Variants in ADGB observed in about 807,000 individuals in gnomAD.
The protein encoded by ADGB is calpain-7-like protein.
In ADGB, 172 loss-of-function variants were observed where a neutral mutation model predicts 210.5. The ratio of observed to expected loss-of-function variants is 0.82; its 90% confidence interval spans 0.72 to 0.93. ADGB has a LOEUF of 0.93. Ranked by LOEUF, ADGB falls within the 40% of genes least tolerant of loss-of-function variation. The pLI, the probability that ADGB is intolerant of heterozygous loss-of-function variation, is 0.00. For synonymous variants in ADGB, 658 were observed against 662.7 expected (o/e 0.99, Z 0.11); for missense variants, 2,025 against 1,964.8 (o/e 1.03, Z -0.58).
intron 32 of ADGB, among the ~76,000 whole-genome samples, chr6:146,786,167 ATATATATATATTTAAGTATATAT>A (rs199961162): frequency 1.3e-4 from 5 of 39,080 alleles, no homozygotes; most frequent in African/African-American, 8.5e-4. Context: ...TTAAGTTAGT[ATATATATATATTTAAGTATATAT>A]TATATTATAT....
At chr6:146,795,150 A>G (rs942049531) in intron 33 of ADGB, among the ~76,000 whole-genome samples, 5 of 152,244 alleles carry the variant, frequency 3.3e-5, no homozygotes, top group African/African-American at 1.2e-4. Context: ...TGCTAAGTAA[A>G]CAAACAACTA....
chr6:146,672,761 G>A (rs760105720), intron 8 of ADGB, among the ~76,000 whole-genome samples: 31 of 146,106 alleles, frequency 2.1e-4, no homozygotes, highest in East Asian at 4.0e-4. Context: ...ATGTAGTTGC[G>A]CTCTTGTTGC....
intron 29 of ADGB, among the ~76,000 whole-genome samples, chr6:146,775,316 A>G (rs1361416492): frequency 1.3e-5 from 2 of 152,184 alleles, no homozygotes; most frequent in South Asian, 2.1e-4. Flanking sequence ...AAGGCTTGAA[A>G]TAATGGCTAT....
At chr6:146,681,585 A>G (rs1446286792) in intron 9 of ADGB, among the ~76,000 whole-genome samples, 1 of 152,122 alleles carries the variant, frequency 6.6e-6, no homozygotes, top group African/African-American at 2.4e-5. Flanking sequence ...GCCTCTATGA[A>G]GCAAAGAAGC....
intron 7 of ADGB, among the ~76,000 whole-genome samples, chr6:146,669,377 T>C (rs968259960): frequency 1.3e-5 from 2 of 152,008 alleles, no homozygotes; most frequent in East Asian, 1.9e-4. Flanking sequence ...AAATGAGTGG[T>C]TTGTACACAC....
chr6:146,616,151 T>C (rs1780795750), intron 1 of ADGB, among the ~76,000 whole-genome samples: 1 of 152,198 alleles, frequency 6.6e-6, no homozygotes, highest in African/African-American at 2.4e-5. Context: ...TTGATTTGCA[T>C]ATCCCTGATG....
chr6:146,677,294 T>C (rs896031531), intron 9 of ADGB, among the ~76,000 whole-genome samples: 6 of 152,198 alleles, frequency 3.9e-5, no homozygotes, highest in Non-Finnish European at 7.4e-5. Flanking sequence ...CTCATCTATC[T>C]TGGTGCTTCC....
chr6:146,661,616 A>G (rs1285067174), intron 5 of ADGB, among the ~76,000 whole-genome samples: 1 of 152,158 alleles, frequency 6.6e-6, no homozygotes, highest in African/African-American at 2.4e-5. Context: ...ATTTGAAGAC[A>G]AGAGTACCAC....
intron 16 of ADGB, among the ~76,000 whole-genome samples, chr6:146,718,484 T>C (rs1030317818): frequency 9.2e-5 from 14 of 152,300 alleles, no homozygotes; most frequent in African/African-American, 3.4e-4. Context: ...GTTAGCATCT[T>C]TAGAAGAGCT....
intron 25 of ADGB, among the ~76,000 whole-genome samples, chr6:146,742,352 A>T (rs1777173633): frequency 6.6e-6 from 1 of 151,820 alleles, no homozygotes; most frequent in Non-Finnish European, 1.5e-5. Context: ...ATTTTTAATA[A>T]GACAGATTTT....
intron 14 of ADGB, among the ~76,000 whole-genome samples, chr6:146,715,650 T>G (rs1470716577): frequency 6.6e-6 from 1 of 152,104 alleles, no homozygotes; most frequent in African/African-American, 2.4e-5. Flanking sequence ...AGTTCATGTG[T>G]TTTAATGCTG....
intron 1 of ADGB, among the ~76,000 whole-genome samples, chr6:146,609,296 G>T (rs567506249): frequency 3.9e-4 from 60 of 152,206 alleles, no homozygotes; most frequent in African/African-American, 1.4e-3. Flanking sequence ...AAGATAGCAT[G>T]AGACTATCTT....
intron 13 of ADGB, among the ~76,000 whole-genome samples, chr6:146,706,900 TC>T: frequency 6.6e-6 from 1 of 151,370 alleles, no homozygotes. Flanking sequence ...ATTTATTATT[TC>T]CTTTCTTCTA....
At chr6:146,766,474 C>T (rs201386273) in intron 28 of ADGB, among the ~76,000 whole-genome samples, 4 of 111,990 alleles carry the variant, frequency 3.6e-5, no homozygotes, top group African/African-American at 1.1e-4. Flanking sequence ...TTAAATTAAA[C>T]TAAATTAAAC....
chr6:146,794,643 G>C (rs755932971), intron 33 of ADGB, among the ~76,000 whole-genome samples: 4 of 151,978 alleles, frequency 2.6e-5, no homozygotes, highest in African/African-American at 7.3e-5. Flanking sequence ...GGAAAGGGGG[G>C]TGGGACCTGG....
In ADGB at chr6:146,698,051, T is replaced by C. The variant is rs796964981; in HGVS notation, c.1578-2890T>C. ...AAGAACAATTTTAAAAAGCAATATA[T>C]GGTGTTGGAAGTAACCAATGTGGTT... On this transcript the variant is annotated intron_variant, in intron 12 of 35. Transcript: ENST00000397944. 2.6e-4 allele frequency among the ~76,000 whole-genome samples: 39 copies of C among 152,276 alleles called. 1 individual carries two copies. Among genetic ancestry groups the C allele is most frequent in the African/African-American group, 9.4e-4 (39 of 41,572 alleles).
intron 35 of ADGB, among the ~76,000 whole-genome samples, chr6:146,807,992 G>GTTTTTTTT (rs369961809): frequency 9.7e-5 from 10 of 103,162 alleles, no homozygotes; most frequent in East Asian, 3.2e-4. Flanking sequence ...CTATGCTTCA[G>GTTTTTTTT]TTTTTTTTTT....
chr6:146,807,158 T>A (rs1276014184), intron 35 of ADGB, among the ~76,000 whole-genome samples: 1 of 152,156 alleles, frequency 6.6e-6, no homozygotes, highest in Non-Finnish European at 1.5e-5. Context: ...AAAAAGTATG[T>A]TTTGACTATT....
intron 35 of ADGB, among the ~76,000 whole-genome samples, chr6:146,809,991 CAAAGA>C (rs1778281310): frequency 6.6e-6 from 1 of 150,922 alleles, no homozygotes; most frequent in Non-Finnish European, 1.5e-5. Flanking sequence ...TGCTGCACAG[CAAAGA>C]AAACAACAAA....
Sources: gnomAD v4.1 joint callset for allele counts (sites outside exome capture counted in the v4.1 genomes callset) on GRCh38, gnomAD v4.1.1 for gene constraint, MANE v1.5 for transcripts, NCBI Gene and HGNC (gene_info 2026-07-23, HGNC 2026-07-21) for gene names.